The following MRAS variants were observed in gnomAD, a reference collection of about 807,000 sequenced individuals.
The protein encoded by MRAS is muscle RAS oncogene homolog, also known as ras-related protein M-Ras.
MRAS carries 4 observed loss-of-function variants against 20.9 expected under a neutral mutation model. The observed-to-expected ratio is 0.19, with a 90% confidence interval of 0.09 to 0.44. The LOEUF is 0.44. MRAS is among the 20% of genes least tolerant of loss of function. The pLI, the probability that MRAS is intolerant of heterozygous loss-of-function variation, is 0.99. For missense variants in MRAS, 154 were observed against 277.5 expected (o/e 0.56, Z 3.16); for synonymous variants, 98 against 102.9 (o/e 0.95, Z 0.29).
At chr3:138,359,823 G>C (rs1444613219) in intron 1 of MRAS, among the ~76,000 whole-genome samples, 1 of 152,210 alleles carries the variant, frequency 6.6e-6, no homozygotes, top group Non-Finnish European at 1.5e-5. Flanking sequence ...GCCTTAGAAC[G>C]GCCGTGCCAC....
At chr3:138,391,268 A>G (rs2055127341) in intron 2 of MRAS, among the ~76,000 whole-genome samples, 1 of 152,150 alleles carries the variant, frequency 6.6e-6, no homozygotes, top group Admixed American at 6.5e-5. Flanking sequence ...TGTAAGTACC[A>G]CTTTGGCCTT....
intron 1 of MRAS, among the ~76,000 whole-genome samples, chr3:138,368,938 C>G (rs1172332172): frequency 6.6e-6 from 1 of 152,132 alleles, no homozygotes; most frequent in Admixed American, 6.5e-5. Flanking sequence ...GATGAGATAG[C>G]ACCTTTAGGA....
chr3:138,359,912 T>C (rs1020631592), intron 1 of MRAS, among the ~76,000 whole-genome samples: 1 of 152,234 alleles, frequency 6.6e-6, no homozygotes, highest in Non-Finnish European at 1.5e-5. Flanking sequence ...AACTTTTTCA[T>C]TGGTGGCCAG....
At chr3:138,349,253 G>C (rs2054178548) in intron 1 of MRAS, 1 of 152,362 alleles carries the variant, frequency 6.6e-6, no homozygotes, top group Non-Finnish European at 1.5e-5. Flanking sequence ...GGAGGTTTGG[G>C]GAGCTGGAGC....
intron 4 of MRAS, among the ~76,000 whole-genome samples, chr3:138,399,947 G>T (rs960441761): frequency 6.6e-6 from 1 of 152,188 alleles, no homozygotes; most frequent in African/African-American, 2.4e-5. Flanking sequence ...CCTTTCGACC[G>T]GGTGATGATT....
intron 2 of MRAS, among the ~76,000 whole-genome samples, chr3:138,396,852 C>T (rs1056565543): frequency 2.6e-5 from 4 of 152,126 alleles, no homozygotes; most frequent in South Asian, 2.1e-4. Flanking sequence ...ATAAGCTCTT[C>T]TCCCCTAGGG....
chr3:138,347,679 G>C (rs371314083), upstream of MRAS: 2 of 152,106 alleles, frequency 1.3e-5, no homozygotes, highest in East Asian at 1.9e-4. Flanking sequence ...TACAACCTCT[G>C]CCTCCCGGGT....
At chr3:138,397,206 G>A (rs1007981254) in intron 2 of MRAS, 118 bp from the exon 3 acceptor site, 14 of 1,235,044 alleles carry the variant, frequency 1.1e-5, no homozygotes, top group Non-Finnish European at 1.3e-5. Flanking sequence ...GCCTCTCACG[G>A]GACAGCTCGG....
At chr3:138,399,700 T>G (rs1355973667) in intron 4 of MRAS, among the ~76,000 whole-genome samples, 3 of 152,258 alleles carry the variant, frequency 2.0e-5, no homozygotes, top group African/African-American at 7.2e-5. Context: ...TACTTCCATC[T>G]GTCTCATCAA....
intron 1 of MRAS, among the ~76,000 whole-genome samples, chr3:138,360,018 T>C (rs1419959413): frequency 6.6e-6 from 1 of 152,242 alleles, no homozygotes; most frequent in Non-Finnish European, 1.5e-5. Context: ...GCAAGCTCAT[T>C]GCAGATATTA....
At chr3:138,387,328 G>A (rs2055038187) in intron 2 of MRAS, among the ~76,000 whole-genome samples, 1 of 152,242 alleles carries the variant, frequency 6.6e-6, no homozygotes, top group South Asian at 2.1e-4. Context: ...GGTGAATGCA[G>A]GAAGCAGCCT....
intron 1 of MRAS, 109 bp from the exon 2 acceptor site, chr3:138,372,757 A>T: frequency 2.5e-6 from 2 of 800,154 alleles, no homozygotes; most frequent in Non-Finnish European, 3.6e-6. Flanking sequence ...TTCATTTTCA[A>T]ACCTCTTTAT....
At chr3:138,383,238 A>G (rs1038003591) in intron 2 of MRAS, among the ~76,000 whole-genome samples, 1 of 152,072 alleles carries the variant, frequency 6.6e-6, no homozygotes. Context: ...GTGAGGGGGG[A>G]AACAAGTCAC....
At chr3:138,396,489 G>A (rs1303503028) in intron 2 of MRAS, among the ~76,000 whole-genome samples, 1 of 152,180 alleles carries the variant, frequency 6.6e-6, no homozygotes, top group Admixed American at 6.5e-5. Flanking sequence ...GATGCTGCAG[G>A]TTCAGACTTC....
intron 1 of MRAS, chr3:138,349,871 TTTGACAAGACACCTC>T (rs896991823): frequency 1.3e-5 from 2 of 152,358 alleles, no homozygotes; most frequent in African/African-American, 4.8e-5. Flanking sequence ...TTGCTCATCA[TTTGACAAGACACCTC>T]TTGACAAGAC....
At chr3:138,384,926 C>A (rs1476145850) in intron 2 of MRAS, among the ~76,000 whole-genome samples, 2 of 152,122 alleles carry the variant, frequency 1.3e-5, no homozygotes, top group East Asian at 3.9e-4. Flanking sequence ...GGATGAGGAA[C>A]TGAGAAGCAC....
chr3:138,389,204 C>T (rs1222133695), intron 2 of MRAS, among the ~76,000 whole-genome samples: 2 of 152,064 alleles, frequency 1.3e-5, no homozygotes, highest in Non-Finnish European at 1.5e-5. Context: ...GCTGTTTTAA[C>T]CCAGTGATGG....
At position 138,349,114 on chromosome 3, in the gene MRAS, T is replaced by C. The variant is rs1166832298; in HGVS notation, c.-19+347T>C. 16 of 1,522 alleles carry C rather than the reference T, an allele frequency of 0.011. No individual in the cohort carries two copies. In the East Asian group the frequency reaches 0.23, roughly 22 times the overall value. 0.1% of individuals were successfully genotyped at this position (1,522 alleles called of 1,614,324 possible). ...GACGGGGCGGCGGGGGATGGGTGGG[T>C]GGGTGGGGGACTCTTTACCCCCCCG... On this transcript the variant is annotated intron_variant, in intron 1 of 5. Transcript: ENST00000423968.
intron 2 of MRAS, among the ~76,000 whole-genome samples, chr3:138,381,025 G>A (rs754562220): frequency 4.6e-5 from 7 of 151,944 alleles, no homozygotes; most frequent in Non-Finnish European, 7.4e-5. Flanking sequence ...CACCCGCCTC[G>A]GCCTCCCAAA....
Sources: gnomAD v4.1 joint callset for allele counts (sites outside exome capture counted in the v4.1 genomes callset) on GRCh38, gnomAD v4.1.1 for gene constraint, MANE v1.5 for transcripts, NCBI Gene and HGNC (gene_info 2026-07-23, HGNC 2026-07-21) for gene names.